CLEC3A: variants seen among roughly 807,000 people sequenced by gnomAD.
CLEC3A encodes the protein C-type (calcium dependent, carbohydrate-recognition domain) lectin, superfamily member 1 (cartilage-derived).
In CLEC3A, 28 loss-of-function variants were observed where a neutral mutation model predicts 20.4. The ratio of observed to expected loss-of-function variants is 1.37; its 90% CI spans 1.02 to 1.88. The LOEUF (loss-of-function observed/expected upper bound fraction) is 1.88. Ranked by LOEUF, CLEC3A falls within the 40% of genes most tolerant of loss-of-function variation. The pLI is 0.00. For missense variants in CLEC3A, 357 were observed against 240.4 expected (o/e 1.48, Z -3.21); for synonymous variants, 110 against 88.1 (o/e 1.25, Z -1.39).
chr16:78,029,669 T>A (rs1371985359), intron 2 of CLEC3A, among the ~76,000 whole-genome samples: 1 of 150,798 alleles, frequency 6.6e-6, no homozygotes. Flanking sequence ...CGCCAAGCAT[T>A]TTTTTTTTAA....
rs1326530249 is a variant in CLEC3A, at chr16:78,030,624, A to G, written c.377A>G (p.Asn126Ser). 2.1e-5 allele frequency: 34 copies of G among 1,614,140 alleles called. No individual in the cohort carries two copies. Among genetic ancestry groups the G allele is most frequent in the Non-Finnish European group, 2.6e-5 (31 of 1,180,022 alleles). ...GGTAAAAGGAGCCTGCCAGGTGTCA[A>G]TGACTTTTGGCTGGGCATCAATGAC... Reference protein sequence around the residue: ...DYGKRSLPGVNDFWLGINDMV... With the variant: ...DYGKRSLPGVSDFWLGINDMV... Residue 126 changes from asparagine (N) to serine (S), a missense_variant, in exon 3 of 3, where the codon AAT (asparagine) becomes AGT (serine). Physicochemically the swap from Asn to Ser is conservative, Grantham distance 46. Transcript: ENST00000299642.
intron 2 of CLEC3A, chr16:78,029,139 A>C (rs1353797938): frequency 4.4e-6 from 2 of 455,850 alleles, no homozygotes; most frequent in East Asian, 1.4e-4. Flanking sequence ...AAAATGAGGC[A>C]CAAAGAAGGT....
At chr16:78,023,384 G>T (rs1317953867) in intron 1 of CLEC3A, among the ~76,000 whole-genome samples, 1 of 152,110 alleles carries the variant, frequency 6.6e-6, no homozygotes, top group Non-Finnish European at 1.5e-5. Context: ...ATGCAAAACT[G>T]AATCTCCCAG....
At position 78,031,723 on chromosome 16, in the gene CLEC3A, G is replaced by T. The variant is rs1470996887; in HGVS notation, c.*882G>T. On this transcript the variant is annotated 3_prime_UTR_variant, in exon 3 of 3. Transcript: ENST00000299642. ...CATTTTCGTATACTTATTTTTTTTA[G>T]CCATCATTATATGTTTAAGTCTATT... is the stretch of plus-strand genomic sequence containing the variant. The T allele has an allele frequency of 6.6e-6, 1 of 151,602 alleles. No homozygotes were observed. Among genetic ancestry groups the T allele is most frequent in the Non-Finnish European group, 1.5e-5 (1 of 67,934 alleles). The allele number at this position is 151,602 out of a possible 1,614,324, so 9.4% of individuals were successfully genotyped here. A position where few individuals can be genotyped will look rare whatever the true frequency, so the allele number is the denominator to read the frequency against.
intron 2 of CLEC3A, chr16:78,029,043 G>C: frequency 2.2e-6 from 1 of 444,612 alleles, no homozygotes; most frequent in Non-Finnish European, 4.5e-6. Flanking sequence ...TTTACCCACA[G>C]TCAGGTACTA....
intron 2 of CLEC3A, among the ~76,000 whole-genome samples, chr16:78,028,604 C>T (rs946900874): frequency 6.6e-6 from 1 of 152,246 alleles, no homozygotes; most frequent in Non-Finnish European, 1.5e-5. Context: ...AGCTTGCCAA[C>T]AGGGCAGCGC....
Position 78,030,794 on chromosome 16 carries a change from T to C in CLEC3A, c.547T>C (p.Cys183Arg). 1.2e-6 allele frequency: 2 copies of C among 1,614,072 alleles called. No homozygotes were observed. Among genetic ancestry groups the C allele is most frequent in the South Asian group, 1.1e-5 (1 of 91,046 alleles). ...TCAGGGCAAGTGGAGTGATGAGGCC[T>C]GTCGCAGCAGCAAGAGATACATATG... Reference protein sequence around the residue: ...SAQGKWSDEACRSSKRYICEF... With the variant: ...SAQGKWSDEARRSSKRYICEF... Residue 183 changes from cysteine (C) to arginine (R), a missense_variant, in exon 3 of 3, where the codon TGT (cysteine) becomes CGT (arginine). Transcript: ENST00000299642.
In CLEC3A at chr16:78,030,556, T is replaced by C; in HGVS notation, c.309T>C (p.Val103=). The C allele has an allele frequency of 1.2e-6, 2 of 1,614,162 alleles. No homozygotes were observed. Among genetic ancestry groups the C allele is most frequent in the Non-Finnish European group, 8.5e-7 (1 of 1,180,016 alleles). Residue 103 remains valine (V), a synonymous_variant, in exon 3 of 3, where the codon GTT becomes GTC. Coordinates refer to ENST00000299642, the MANE Select transcript of CLEC3A (RefSeq NM_005752.6). Reference sequence around the variant, plus strand: ...GCATTTCCAAAGGAGGAATCCTGGTTATCCCCAGGAACTCCGACGAAATCA... The same window carrying C: ...GCATTTCCAAAGGAGGAATCCTGGTCATCCCCAGGAACTCCGACGAAATCA... ...EDCISKGGIL[V]IPRNSDEINA...
At chr16:78,025,916 G>A (rs953627521) in intron 1 of CLEC3A, among the ~76,000 whole-genome samples, 1 of 152,192 alleles carries the variant, frequency 6.6e-6, no homozygotes, top group Non-Finnish European at 1.5e-5. Context: ...CAATCTCCCA[G>A]TAGAGGCCAC....
At chr16:78,027,481 C>T (rs1462584592) in intron 1 of CLEC3A, among the ~76,000 whole-genome samples, 1 of 152,150 alleles carries the variant, frequency 6.6e-6, no homozygotes, top group Non-Finnish European at 1.5e-5. Flanking sequence ...TCAGATGACC[C>T]TGAAAGTCAA....
chr16:78,024,529 A>G (rs144095526), intron 1 of CLEC3A, among the ~76,000 whole-genome samples: 1 of 152,082 alleles, frequency 6.6e-6, no homozygotes, highest in East Asian at 1.9e-4. Context: ...AACAAAACTG[A>G]CTAGGTACAC....
chr16:78,030,426 T>G lies in CLEC3A; in HGVS notation c.200-21T>G, dbSNP rs1274749619. On this transcript the variant is annotated intron_variant, in intron 2 of 2. Transcript: ENST00000299642. ...TACACTCAAAATGCATCTTAATATG[T>G]TACACTTCACATCTTCACAGTCTGT... 1.3e-6 allele frequency: 2 copies of G among 1,567,474 alleles called. 1 individual carries two copies. Among genetic ancestry groups the G allele is most frequent in the South Asian group, 2.4e-5 (2 of 82,790 alleles).
At chr16:78,022,783 A>G in intron 1 of CLEC3A, 42 bp downstream of exon 1, 1 of 1,605,298 alleles carries the variant, frequency 6.2e-7, no homozygotes, top group Non-Finnish European at 8.5e-7. Flanking sequence ...AGGCTTAGAC[A>G]GTGTGGGGAG....
At chr16:78,029,648 G>A (rs540038047) in intron 2 of CLEC3A, among the ~76,000 whole-genome samples, 3 of 152,008 alleles carry the variant, frequency 2.0e-5, no homozygotes, top group African/African-American at 4.8e-5. Context: ...GATTATAAGT[G>A]TGAGCCACCA....
At chr16:78,028,530 G>A (rs1446714815) in intron 2 of CLEC3A, among the ~76,000 whole-genome samples, 1 of 152,206 alleles carries the variant, frequency 6.6e-6, no homozygotes, top group Admixed American at 6.5e-5. Context: ...TGCCTATCAG[G>A]CCACCAGGAC....
In CLEC3A at chr16:78,027,166, T is replaced by A. The variant is rs75672983; in HGVS notation, c.116-941T>A. Among the ~76,000 whole-genome samples, 961 of 152,250 alleles carry A rather than the reference T, an allele frequency of 6.3e-3. 6 individuals are homozygous for A. Among genetic ancestry groups the A allele is most frequent in the Middle Eastern group, 0.01 (3 of 294 alleles). The stretch of plus-strand genomic sequence containing the variant: ...TTATGAACACCTATTATGTACCAAG[T>A]ATCATGTTAAGCATCAGAAGAACCA... On this transcript the variant is annotated intron_variant, in intron 1 of 2. Coordinates refer to ENST00000299642, the MANE Select transcript of CLEC3A (RefSeq NM_005752.6).
chr16:78,030,398 T>C, intron 2 of CLEC3A, 49 bp from the exon 3 acceptor site: 1 of 1,515,944 alleles, frequency 6.6e-7, no homozygotes, highest in Non-Finnish European at 8.9e-7. Flanking sequence ...GCCCTAGTCA[T>C]AATACACTCA....
intron 2 of CLEC3A, 46 bp from the exon 3 acceptor site, chr16:78,030,401 T>G: frequency 6.6e-7 from 1 of 1,523,960 alleles, no homozygotes. Context: ...CTAGTCATAA[T>G]ACACTCAAAA....
chr16:78,030,946 AC>A lies in CLEC3A; in HGVS notation c.*106del. On this transcript the variant is annotated 3_prime_UTR_variant, in exon 3 of 3. Transcript: ENST00000299642. ...AATTTTTACTTATTAAAAAATTGCA[AC>A]ACAAGATCAATGTCCATAGCAATAT... The A allele has an allele frequency of 7.8e-7, 1 of 1,287,596 alleles. No homozygotes were observed. The highest frequency in any genetic ancestry group is 1.1e-6 in the Non-Finnish European group (1 of 949,644). 79.8% of individuals were successfully genotyped at this position (1,287,596 alleles called of 1,614,324 possible). A position where few individuals can be genotyped will look rare whatever the true frequency, so the allele number is the denominator to read the frequency against.
Sources: allele counts gnomAD v4.1 joint callset (sites outside exome capture counted in the v4.1 genomes callset), GRCh38; gene constraint gnomAD v4.1.1; transcripts MANE v1.5; gene names NCBI Gene and HGNC (gene_info 2026-07-23, HGNC 2026-07-21).